Variants in HIGD1C observed in about 807,000 individuals in gnomAD.
HIGD1C encodes HIG1 hypoxia inducible domain family member 1C.
A neutral mutation model predicts 13.1 loss-of-function variants in HIGD1C; 11 were observed. The ratio of observed to expected loss-of-function variants is 0.84; its 90% confidence interval spans 0.53 to 1.39. The LOEUF is 1.39. Among genes scored for constraint, HIGD1C ranks in the 40% most tolerant of loss-of-function variants. HIGD1C has a pLI of 0.00. For synonymous variants in HIGD1C, 36 were observed against 37.7 expected (o/e 0.95, Z 0.17); for missense variants, 110 against 112.0 (o/e 0.98, Z 0.08).
At chr12:50,962,013 C>G (rs1253412799) in intron 2 of HIGD1C, among the ~76,000 whole-genome samples, 2 of 152,158 alleles carry the variant, frequency 1.3e-5, no homozygotes, top group Non-Finnish European at 2.9e-5. Flanking sequence ...AGTCCCTACC[C>G]TTAAACAGTT....
the HIGD1C span, among the ~76,000 whole-genome samples, chr12:50,934,504 C>A: frequency 6.6e-6 from 1 of 152,196 alleles, no homozygotes; most frequent in African/African-American, 2.4e-5. Context: ...GCTCTTAGTG[C>A]CTGGCTTAGA....
chr12:50,963,123 A>G (rs977483573), intron 2 of HIGD1C, among the ~76,000 whole-genome samples: 1 of 151,932 alleles, frequency 6.6e-6, no homozygotes, highest in African/African-American at 2.4e-5. Context: ...TAATCCCAGC[A>G]CTTTGGGAGG....
intron 2 of HIGD1C, among the ~76,000 whole-genome samples, chr12:50,966,672 A>C (rs774128488): frequency 4.6e-5 from 7 of 152,204 alleles, no homozygotes; most frequent in Non-Finnish European, 7.4e-5. Context: ...AGTTTCAGTC[A>C]TTCTCAGACA....
chr12:50,970,426 A>G lies in HIGD1C; in HGVS notation c.230-16A>G, dbSNP rs1939720850. 1 of 1,322,144 alleles carries G rather than the reference A, an allele frequency of 7.6e-7. No homozygotes were observed. The highest frequency in any genetic ancestry group is 1.1e-6 in the Non-Finnish European group (1 of 940,902). The allele number at this position is 1,322,144 out of a possible 1,614,324, so 81.9% of individuals were successfully genotyped here. A position where few individuals can be genotyped will look rare whatever the true frequency, so the allele number is the denominator to read the frequency against. On this transcript the variant is annotated splice_polypyrimidine_tract_variant and intron_variant, in intron 2 of 2. Coordinates refer to ENST00000398455, the Ensembl canonical transcript of HIGD1C. ...TCCCATGGATACTCAATTGATATAC[A>G]TCCTTCTTTTTCTAGGTGTTCTCTA...
chr12:50,941,581 T>C, the HIGD1C span, among the ~76,000 whole-genome samples: 1 of 152,186 alleles, frequency 6.6e-6, no homozygotes, highest in Admixed American at 6.5e-5. Context: ...ATGAAAGGTA[T>C]AGGTCCTCTC....
downstream of HIGD1C, among the ~76,000 whole-genome samples, chr12:50,972,367 G>C (rs1453473528): frequency 6.6e-6 from 1 of 152,140 alleles, no homozygotes; most frequent in Non-Finnish European, 1.5e-5. Flanking sequence ...CATTTGTTAA[G>C]AGTATCTATG....
chr12:50,947,878 G>T, the HIGD1C span, among the ~76,000 whole-genome samples: 2 of 152,190 alleles, frequency 1.3e-5, no homozygotes, highest in African/African-American at 4.8e-5. Flanking sequence ...GAGCCTGAGA[G>T]GCGGAGGTTG....
intron 2 of HIGD1C, among the ~76,000 whole-genome samples, chr12:50,964,021 G>A (rs1254984468): frequency 6.6e-6 from 1 of 152,170 alleles, no homozygotes; most frequent in Non-Finnish European, 1.5e-5. Flanking sequence ...TTTGGATGAT[G>A]ATGATTCCTC....
intron 2 of HIGD1C, among the ~76,000 whole-genome samples, chr12:50,963,386 A>G (rs1343871684): frequency 1.3e-5 from 2 of 151,056 alleles, no homozygotes; most frequent in African/African-American, 4.9e-5. Context: ...AAAAAAAAAA[A>G]AAAAAAAGAA....
At chr12:50,943,880 T>C in the HIGD1C span, among the ~76,000 whole-genome samples, 2 of 152,312 alleles carry the variant, frequency 1.3e-5, no homozygotes, top group East Asian at 3.9e-4. Flanking sequence ...CCTTATATCA[T>C]ATCTGTAGCA....
downstream of HIGD1C, among the ~76,000 whole-genome samples, chr12:50,972,196 T>G (rs1364078321): frequency 6.6e-6 from 1 of 152,150 alleles, no homozygotes; most frequent in African/African-American, 2.4e-5. Flanking sequence ...ACTGGAAATA[T>G]TCTACCTTCT....
upstream of HIGD1C, among the ~76,000 whole-genome samples, chr12:50,950,670 ATTTTT>A (rs57553489): frequency 0.044 from 3,837 of 87,630 alleles, 87 homozygotes; most frequent in Middle Eastern, 0.1. Context: ...TGCCCAGCTA[ATTTTT>A]TTTTTTTTTT....
chr12:50,942,661 G>A, the HIGD1C span, among the ~76,000 whole-genome samples: 24,133 of 152,002 alleles, frequency 0.16, 2,065 homozygotes, highest in South Asian at 0.27. Context: ...GAGTTTGGGA[G>A]TTAAGAGGCC....
At chr12:50,943,079 T>C in the HIGD1C span, among the ~76,000 whole-genome samples, 1 of 151,664 alleles carries the variant, frequency 6.6e-6, no homozygotes, top group Non-Finnish European at 1.5e-5. Context: ...TTGGCCAGGC[T>C]GGTCTCGATC....
the HIGD1C span, chr12:50,932,070 A>G: frequency 6.6e-6 from 1 of 152,156 alleles, no homozygotes; most frequent in East Asian, 1.9e-4. Flanking sequence ...ACAGTTTAGT[A>G]TATCCATAAA....
chr12:50,964,216 A>G (rs1018712281), intron 2 of HIGD1C, among the ~76,000 whole-genome samples: 2 of 152,228 alleles, frequency 1.3e-5, no homozygotes, highest in Admixed American at 6.5e-5. Flanking sequence ...CCTAAATATC[A>G]CAGTCTGTTT....
chr12:50,939,211 G>A, the HIGD1C span, among the ~76,000 whole-genome samples: 2 of 152,158 alleles, frequency 1.3e-5, no homozygotes, highest in African/African-American at 2.4e-5. Flanking sequence ...GCAGTGGTGC[G>A]ATCTTGGCTC....
chr12:50,959,801 C>A (rs1939254344), intron 1 of HIGD1C, among the ~76,000 whole-genome samples: 1 of 152,162 alleles, frequency 6.6e-6, no homozygotes, highest in Non-Finnish European at 1.5e-5. Flanking sequence ...GCATGTACCA[C>A]CACGCCCGGC....
chr12:50,968,219 C>T (rs889571624), intron 2 of HIGD1C, among the ~76,000 whole-genome samples: 1 of 152,094 alleles, frequency 6.6e-6, no homozygotes, highest in Admixed American at 6.6e-5. Context: ...GAAGCTGTTG[C>T]TTATGTTTCT....
Sources: allele counts gnomAD v4.1 joint callset (sites outside exome capture counted in the v4.1 genomes callset), GRCh38; gene constraint gnomAD v4.1.1; transcripts MANE v1.5; gene names NCBI Gene and HGNC (gene_info 2026-07-23, HGNC 2026-07-21).